RBFOX1: variants seen among roughly 807,000 people sequenced by gnomAD.
The protein encoded by RBFOX1 is RNA binding protein fox-1 homolog 1.
RBFOX1 carries 8 observed loss-of-function variants against 57.7 expected under a neutral mutation model. The ratio of observed to expected loss-of-function variants is 0.14; its 90% CI spans 0.08 to 0.25. The LOEUF is 0.25. RBFOX1 is among the 10% of genes least tolerant of loss of function. The pLI is 1.00. For missense variants in RBFOX1, 611 were observed against 548.5 expected, an observed-to-expected ratio of 1.11 and a Z score of -1.14; for synonymous variants, 326 against 222.4, an observed-to-expected ratio of 1.47 and a Z score of -4.15.
chr16:7,227,499 T>G (rs2093215286), intron 4 of RBFOX1, among the ~76,000 whole-genome samples: 1 of 152,178 alleles, frequency 6.6e-6, no homozygotes, highest in African/African-American at 2.4e-5. Context: ...TAACTGTCTC[T>G]ACTGAAGTGG....
At chr16:6,476,506 C>A (rs1015755647) in intron 2 of RBFOX1, among the ~76,000 whole-genome samples, 2 of 152,142 alleles carry the variant, frequency 1.3e-5, no homozygotes, top group Non-Finnish European at 1.5e-5. Flanking sequence ...TGTGCAATAG[C>A]ATTGTATCTA....
chr16:7,134,060 G>T (rs1468995645), intron 4 of RBFOX1, among the ~76,000 whole-genome samples: 1 of 152,190 alleles, frequency 6.6e-6, no homozygotes, highest in Non-Finnish European at 1.5e-5. Context: ...CTCAGTAATG[G>T]AGGGAATCAC....
At chr16:6,694,012 G>C (rs2060652345) in intron 3 of RBFOX1, among the ~76,000 whole-genome samples, 2 of 152,224 alleles carry the variant, frequency 1.3e-5, no homozygotes, top group South Asian at 4.1e-4. Context: ...TACAAGTTTA[G>C]TTTTCTATTG....
At chr16:6,495,916 A>C (rs1282919611) in intron 2 of RBFOX1, among the ~76,000 whole-genome samples, 1 of 152,208 alleles carries the variant, frequency 6.6e-6, no homozygotes, top group African/African-American at 2.4e-5. Context: ...CTTTACATTA[A>C]TCCTTGAGCT....
intron 3 of RBFOX1, among the ~76,000 whole-genome samples, chr16:6,766,853 C>T (rs180931753): frequency 5.3e-5 from 8 of 152,128 alleles, no homozygotes; most frequent in Admixed American, 3.3e-4. Context: ...TCTGGGGAAG[C>T]ATGTTCTAAG....
Position 6,976,135 on chromosome 16 carries a change from AAAAGAAAC to A in RBFOX1, c.-15-75918_-15-75911del, listed in dbSNP as rs753275687. On this transcript the variant is annotated intron_variant, in intron 3 of 15. Transcript: ENST00000550418. ...GAGTGAGACTCCGTCTCAAAAAGGA[AAAAGAAAC>A]AAACAAAAAAACTAGCATTAACTGG... is the stretch of plus-strand genomic sequence containing the variant. Among the ~76,000 whole-genome samples the A allele has an allele frequency of 8.0e-4, 121 of 151,842 alleles. 1 individual carries two copies. Among genetic ancestry groups the A allele is most frequent in the Admixed American group, 2.7e-3 (41 of 15,260 alleles).
chr16:6,907,228 C>T (rs1474568484), intron 3 of RBFOX1, among the ~76,000 whole-genome samples: 1 of 152,116 alleles, frequency 6.6e-6, no homozygotes, highest in African/African-American at 2.4e-5. Context: ...AAATATCCTA[C>T]AGTGCGCAGG....
At chr16:5,783,194 TAA>T (rs1188920048) in intron 3 of RBFOX1, among the ~76,000 whole-genome samples, 1 of 152,228 alleles carries the variant, frequency 6.6e-6, no homozygotes, top group Non-Finnish European at 1.5e-5. Flanking sequence ...ATAATTTACA[TAA>T]AATAAAATTC....
intron 3 of RBFOX1, among the ~76,000 whole-genome samples, chr16:6,865,851 G>C (rs116459718): frequency 2.0e-5 from 3 of 151,880 alleles, no homozygotes; most frequent in Admixed American, 6.6e-5. Context: ...TCTTTTTTGC[G>C]TGTAGGCTTA....
chr16:6,897,369 C>G (rs769787262), intron 3 of RBFOX1, among the ~76,000 whole-genome samples: 26 of 152,278 alleles, frequency 1.7e-4, no homozygotes, highest in Non-Finnish European at 3.8e-4. Context: ...TGCCATTGCA[C>G]TCCAGCCGGG....
intron 4 of RBFOX1, among the ~76,000 whole-genome samples, chr16:5,914,131 G>T (rs553260535): frequency 3.7e-4 from 57 of 152,326 alleles, no homozygotes; most frequent in African/African-American, 1.3e-3. Flanking sequence ...ATGGCAGCCA[G>T]GAGGAAAGGA....
intron 3 of RBFOX1, among the ~76,000 whole-genome samples, chr16:6,990,977 T>G (rs559598407): frequency 6.6e-6 from 1 of 152,080 alleles, no homozygotes; most frequent in Non-Finnish European, 1.5e-5. Context: ...TAAAGCTCTG[T>G]GTCCAGATAT....
At chr16:7,120,435 AC>A (rs2066860912) in intron 4 of RBFOX1, among the ~76,000 whole-genome samples, 2 of 152,204 alleles carry the variant, frequency 1.3e-5, no homozygotes, top group South Asian at 4.1e-4. Flanking sequence ...AGCAAGACTG[AC>A]AAAAAGCAGA....
At chr16:6,784,430 C>A (rs11863479) in intron 3 of RBFOX1, among the ~76,000 whole-genome samples, 15,758 of 152,092 alleles carry the variant, frequency 0.1, 947 homozygotes, top group African/African-American at 0.16. Flanking sequence ...TTGTTGATTG[C>A]ATTCTTCAGC....
At chr16:6,899,964 G>A (rs1432796264) in intron 3 of RBFOX1, among the ~76,000 whole-genome samples, 1 of 152,138 alleles carries the variant, frequency 6.6e-6, no homozygotes, top group Non-Finnish European at 1.5e-5. Flanking sequence ...GGTGGCCTTG[G>A]ACAAGGTTAA....
intron 3 of RBFOX1, among the ~76,000 whole-genome samples, chr16:5,836,765 T>G (rs2056471492): frequency 6.6e-6 from 1 of 152,186 alleles, no homozygotes; most frequent in Non-Finnish European, 1.5e-5. Flanking sequence ...TCACGCCCAG[T>G]TGTGACAACT....
At chr16:6,026,936 C>T (rs1016799818) in intron 1 of RBFOX1, among the ~76,000 whole-genome samples, 17 of 152,230 alleles carry the variant, frequency 1.1e-4, no homozygotes, top group African/African-American at 4.1e-4. Context: ...CCACTGCTCA[C>T]TCCATCTAAT....
chr16:6,539,770 C>T lies in RBFOX1; in HGVS notation c.-63-114833C>T, dbSNP rs111652695. 6.0e-3 allele frequency among the ~76,000 whole-genome samples: 825 copies of T among 136,620 alleles called. 7 individuals carry two copies. The highest frequency in any genetic ancestry group is 0.02 in the African/African-American group (796 of 39,326). The allele number at this position is 136,620 out of a possible 152,430, so 89.6% of individuals were successfully genotyped here. On this transcript the variant is annotated intron_variant, in intron 2 of 15. Transcript: ENST00000550418. Reference sequence around the variant, plus strand: ...CTGAGATCGTGCCACTGCACTCCAGCCTAGGCGGCAGACTGAGGCTGCATC... The same window carrying T: ...CTGAGATCGTGCCACTGCACTCCAGTCTAGGCGGCAGACTGAGGCTGCATC...
At position 6,648,090 on chromosome 16, in the gene RBFOX1, G is replaced by A. The variant is rs2098548552; in HGVS notation, c.-63-6513G>A. Among the ~76,000 whole-genome samples, 4 of 152,240 alleles carry A rather than the reference G, an allele frequency of 2.6e-5. No homozygotes were observed. In the South Asian group the frequency reaches 8.3e-4, roughly 32 times the overall value. On this transcript the variant is annotated intron_variant, in intron 2 of 15. Coordinates refer to ENST00000550418, the MANE Select transcript of RBFOX1 (RefSeq NM_018723.4). ...ACTCCTGGCCTCAAGTGATCCACCT[G>A]CCTTGGCCTCCCAAAGTGCTGGGAT...
Sources: gnomAD v4.1 joint callset for allele counts (sites outside exome capture counted in the v4.1 genomes callset) on GRCh38, gnomAD v4.1.1 for gene constraint, MANE v1.5 for transcripts, NCBI Gene and HGNC (gene_info 2026-07-23, HGNC 2026-07-21) for gene names.